Variants in TENM3 observed in about 807,000 individuals in gnomAD.
The protein encoded by TENM3 is teneurin transmembrane protein 3, also known as teneurin-3.
Under a neutral mutation model 255.1 loss-of-function variants are expected in TENM3, and 63 were observed. The ratio of observed to expected loss-of-function variants is 0.25; its 90% CI spans 0.20 to 0.30. The LOEUF is 0.30. Ranked by LOEUF, TENM3 falls within the 10% of genes least tolerant of loss-of-function variation. TENM3 has a pLI of 1.00. For missense variants in TENM3, 2,929 were observed against 3,461.1 expected, an observed-to-expected ratio of 0.85 and a Z score of 3.86; for synonymous variants, 1,306 against 1,322.3, an observed-to-expected ratio of 0.99 and a Z score of 0.27.
At chr4:182,653,212 G>A (rs1352224475) in intron 5 of TENM3, among the ~76,000 whole-genome samples, 1 of 152,060 alleles carries the variant, frequency 6.6e-6, no homozygotes, top group South Asian at 2.1e-4. Context: ...TTATTAAATT[G>A]TTTGTCGTCA....
chr4:182,654,521 CTG>C (rs145616135), intron 6 of TENM3, among the ~76,000 whole-genome samples: 22 of 150,614 alleles, frequency 1.5e-4, no homozygotes, highest in Middle Eastern at 3.4e-3. Context: ...TATATTATTT[CTG>C]TGTGTGTGTG....
the TENM3 span, among the ~76,000 whole-genome samples, chr4:181,646,196 C>T: frequency 2.0e-5 from 3 of 152,318 alleles, no homozygotes; most frequent in South Asian, 2.1e-4. Flanking sequence ...AAAAGATACA[C>T]GAGCAATTAT....
At chr4:182,722,807 A>G (rs151131716) in intron 13 of TENM3, among the ~76,000 whole-genome samples, 1 of 152,212 alleles carries the variant, frequency 6.6e-6, no homozygotes, top group African/African-American at 2.4e-5. Context: ...AGAGAGGACC[A>G]TGGTGGCCTG....
chr4:181,483,540 A>T, the TENM3 span, among the ~76,000 whole-genome samples: 5 of 152,200 alleles, frequency 3.3e-5, no homozygotes, highest in African/African-American at 1.2e-4. Context: ...TGTAATATTC[A>T]GAGGGATTTT....
At chr4:181,508,222 T>G in the TENM3 span, among the ~76,000 whole-genome samples, 3 of 152,222 alleles carry the variant, frequency 2.0e-5, no homozygotes. Context: ...CCAGAGCAGC[T>G]GCCACGGGCC....
intron 3 of TENM3, among the ~76,000 whole-genome samples, chr4:182,471,705 T>G (rs1292851682): frequency 6.6e-6 from 1 of 152,058 alleles, no homozygotes; most frequent in Non-Finnish European, 1.5e-5. Context: ...GTAATTATAT[T>G]ATAAAATAAA....
the TENM3 span, among the ~76,000 whole-genome samples, chr4:181,797,696 G>T: frequency 1.3e-5 from 2 of 152,120 alleles, no homozygotes; most frequent in African/African-American, 4.8e-5. Context: ...ATCCCCATAG[G>T]CTTCGCAGTG....
chr4:181,633,786 C>T, the TENM3 span, among the ~76,000 whole-genome samples: 1 of 152,270 alleles, frequency 6.6e-6, no homozygotes, highest in Middle Eastern at 3.4e-3. Flanking sequence ...TGCTTTAGCA[C>T]ACGGGACATA....
the TENM3 span, among the ~76,000 whole-genome samples, chr4:181,569,446 G>T: frequency 3.9e-5 from 6 of 152,156 alleles, no homozygotes; most frequent in African/African-American, 1.4e-4. Context: ...GGATAGAATA[G>T]AATGTAAGGA....
Position 182,399,083 on chromosome 4 carries a change from G to A in TENM3, c.511+52154G>A, listed in dbSNP as rs905877158. 4.6e-5 allele frequency among the ~76,000 whole-genome samples: 7 copies of A among 152,304 alleles called. No individual in the cohort carries two copies. In the East Asian group the frequency reaches 7.7e-4, roughly 17 times the overall value. ...GTACCCTGTACACTTCAGGAGGAAC[G>A]TTTCAGCTTTCAGATGCATTGACTA... On this transcript the variant is annotated intron_variant, in intron 3 of 27. Coordinates refer to ENST00000511685, the MANE Select transcript of TENM3 (RefSeq NM_001080477.4).
At chr4:182,294,537 G>A (rs891796866) in intron 1 of TENM3, among the ~76,000 whole-genome samples, 16 of 152,248 alleles carry the variant, frequency 1.1e-4, no homozygotes, top group Admixed American at 3.3e-4. Flanking sequence ...AAGCAGCTCT[G>A]AAAGTCCTCA....
the TENM3 span, among the ~76,000 whole-genome samples, chr4:182,014,401 G>A: frequency 1.4e-4 from 21 of 151,736 alleles, no homozygotes; most frequent in Admixed American, 1.3e-3. Flanking sequence ...ACTAGACTTC[G>A]GAATCCACGC....
chr4:181,788,453 C>G, the TENM3 span, among the ~76,000 whole-genome samples: 2 of 152,140 alleles, frequency 1.3e-5, no homozygotes, highest in African/African-American at 2.4e-5. Flanking sequence ...GATAGGTTCC[C>G]ATTAATACTC....
the TENM3 span, among the ~76,000 whole-genome samples, chr4:181,923,897 T>C: frequency 6.6e-6 from 1 of 152,212 alleles, no homozygotes; most frequent in African/African-American, 2.4e-5. Flanking sequence ...ACTGTTGTTG[T>C]ACCTAGTTGT....
At chr4:181,840,339 T>A in the TENM3 span, among the ~76,000 whole-genome samples, 5 of 152,120 alleles carry the variant, frequency 3.3e-5, no homozygotes, top group Non-Finnish European at 5.9e-5. Flanking sequence ...GGTCTAAATC[T>A]GCTGTTTGGA....
At chr4:181,559,983 C>T in the TENM3 span, among the ~76,000 whole-genome samples, 1 of 152,150 alleles carries the variant, frequency 6.6e-6, no homozygotes, top group African/African-American at 2.4e-5. Flanking sequence ...AATGTCATGG[C>T]CTTCATTTTT....
At chr4:181,787,685 G>A in the TENM3 span, among the ~76,000 whole-genome samples, 3 of 151,916 alleles carry the variant, frequency 2.0e-5, no homozygotes, top group Non-Finnish European at 2.9e-5. Flanking sequence ...ATTTTAGACC[G>A]AGCCTCACTA....
the TENM3 span, among the ~76,000 whole-genome samples, chr4:182,057,590 G>A: frequency 9.9e-5 from 15 of 151,238 alleles, no homozygotes; most frequent in East Asian, 3.9e-4. Flanking sequence ...TTGTAGAGGC[G>A]GGTTCTCACT....
the TENM3 span, among the ~76,000 whole-genome samples, chr4:181,812,173 G>T: frequency 0.33 from 50,520 of 151,678 alleles, 8,650 homozygotes; most frequent in Admixed American, 0.49. Context: ...TTTTAGAGCT[G>T]GTGGCTTTCA....
Sources: gnomAD v4.1 joint callset for allele counts (sites outside exome capture counted in the v4.1 genomes callset) on GRCh38, gnomAD v4.1.1 for gene constraint, MANE v1.5 for transcripts, NCBI Gene and HGNC (gene_info 2026-07-23, HGNC 2026-07-21) for gene names.